ZNF618: variants seen among roughly 807,000 people sequenced by gnomAD.
The protein encoded by ZNF618 is neural precursor cell expressed, developmentally down-regulated 10.
In ZNF618, 34 loss-of-function variants were observed where a neutral mutation model predicts 103.0. The observed-to-expected ratio is 0.33, with a 90% CI of 0.25 to 0.44. The LOEUF (loss-of-function observed/expected upper bound fraction) is 0.44. ZNF618 is among the 20% of genes least tolerant of loss of function. ZNF618 has a pLI of 1.00. For synonymous variants in ZNF618, 551 were observed against 542.2 expected (o/e 1.02, Z -0.23); for missense variants, 1,059 against 1,295.4 (o/e 0.82, Z 2.80).
intron 1 of ZNF618, among the ~76,000 whole-genome samples, chr9:113,936,217 C>T (rs1258751764): frequency 6.6e-6 from 1 of 152,148 alleles, no homozygotes. Flanking sequence ...GACCTGGGTC[C>T]AAAACCCAGT....
At chr9:113,958,822 A>AC (rs541703862) in intron 1 of ZNF618, among the ~76,000 whole-genome samples, 47 of 150,584 alleles carry the variant, frequency 3.1e-4, no homozygotes, top group Non-Finnish European at 6.4e-4. Flanking sequence ...TTTGACATCT[A>AC]CCCCCAACTG....
intron 2 of ZNF618, among the ~76,000 whole-genome samples, chr9:113,971,607 C>T (rs571691177): frequency 1.3e-5 from 2 of 152,324 alleles, no homozygotes; most frequent in South Asian, 2.1e-4. Flanking sequence ...TGTGGGAATG[C>T]GGTCTGCCCT....
chr9:113,967,517 G>A (rs1031333814), intron 1 of ZNF618, among the ~76,000 whole-genome samples: 1 of 152,100 alleles, frequency 6.6e-6, no homozygotes, highest in African/African-American at 2.4e-5. Flanking sequence ...TTTCCCAATT[G>A]GCTCTCCTGA....
chr9:113,982,592 C>A (rs1431047172), intron 2 of ZNF618, among the ~76,000 whole-genome samples: 1 of 152,160 alleles, frequency 6.6e-6, no homozygotes, highest in Non-Finnish European at 1.5e-5. Context: ...TGCACAGAAT[C>A]AGGAGATTAG....
At chr9:114,041,441 C>G (rs1284710035) in intron 13 of ZNF618, among the ~76,000 whole-genome samples, 1 of 152,206 alleles carries the variant, frequency 6.6e-6, no homozygotes, top group African/African-American at 2.4e-5. Context: ...AGGTTTCCTT[C>G]TAGGGTTTTT....
chr9:113,981,143 C>T (rs540397063), intron 2 of ZNF618, among the ~76,000 whole-genome samples: 2 of 152,282 alleles, frequency 1.3e-5, no homozygotes, highest in African/African-American at 4.8e-5. Context: ...GAGCAGTTCA[C>T]CTTCATTCCT....
At chr9:114,040,959 T>C (rs1326005539) in intron 13 of ZNF618, among the ~76,000 whole-genome samples, 3 of 152,134 alleles carry the variant, frequency 2.0e-5, no homozygotes, top group Non-Finnish European at 4.4e-5. Context: ...AGTGTAAAAG[T>C]GTTCCTATTT....
At chr9:113,917,223 C>G (rs1832195520) in intron 1 of ZNF618, among the ~76,000 whole-genome samples, 2 of 149,720 alleles carry the variant, frequency 1.3e-5, no homozygotes, top group Non-Finnish European at 3.0e-5. Flanking sequence ...CCTAGCAAGC[C>G]TTCTCTCTAT....
chr9:114,016,206 G>A (rs751280669), intron 9 of ZNF618: 3 of 1,596,592 alleles, frequency 1.9e-6, no homozygotes, highest in Non-Finnish European at 2.6e-6. Context: ...TTGAGAGGAA[G>A]AAGTGACCCC....
intron 1 of ZNF618, among the ~76,000 whole-genome samples, chr9:113,906,766 G>A (rs938007371): frequency 3.3e-5 from 5 of 152,208 alleles, no homozygotes; most frequent in Non-Finnish European, 7.3e-5. Flanking sequence ...GGACGCCTTA[G>A]GTTTTAAGTG....
chr9:113,975,812 A>G (rs772682102), intron 2 of ZNF618, among the ~76,000 whole-genome samples: 2 of 152,166 alleles, frequency 1.3e-5, no homozygotes, highest in Non-Finnish European at 2.9e-5. Context: ...AGAACGGGGT[A>G]TGTTTTGGGA....
chr9:113,957,952 C>T (rs570571611), intron 1 of ZNF618, among the ~76,000 whole-genome samples: 3 of 151,930 alleles, frequency 2.0e-5, no homozygotes, highest in Non-Finnish European at 4.4e-5. Context: ...TCGCTCCAGG[C>T]GGTTTTCCCT....
At chr9:113,993,501 T>C (rs895239265) in intron 3 of ZNF618, among the ~76,000 whole-genome samples, 3 of 152,224 alleles carry the variant, frequency 2.0e-5, no homozygotes, top group African/African-American at 4.8e-5. Context: ...TTCCTGGCTC[T>C]GAGAGATAAG....
intron 1 of ZNF618, among the ~76,000 whole-genome samples, chr9:113,909,182 A>C (rs1211657776): frequency 6.6e-6 from 1 of 151,802 alleles, no homozygotes; most frequent in African/African-American, 2.4e-5. Context: ...GGTTGGAGGG[A>C]ATGGTCCTGT....
chr9:113,980,833 G>A (rs1487304909), intron 2 of ZNF618, among the ~76,000 whole-genome samples: 5 of 152,282 alleles, frequency 3.3e-5, no homozygotes, highest in Admixed American at 1.3e-4. Flanking sequence ...AGAGTCCGAC[G>A]GGGACTGAGA....
chr9:113,962,605 G>A (rs1168197782), intron 1 of ZNF618, among the ~76,000 whole-genome samples: 1 of 152,128 alleles, frequency 6.6e-6, no homozygotes, highest in African/African-American at 2.4e-5. Flanking sequence ...TGTTTGCCAA[G>A]CACACCAGGC....
In ZNF618 at chr9:114,032,628, T is replaced by C. The variant is rs1307585704; in HGVS notation, c.1085-17T>C. The C allele has an allele frequency of 1.2e-6, 2 of 1,613,342 alleles. No individual in the cohort carries two copies. Among genetic ancestry groups the C allele is most frequent in the East Asian group, 2.2e-5 (1 of 44,866 alleles). On this transcript the variant is annotated splice_polypyrimidine_tract_variant and intron_variant, in intron 11 of 14. Transcript: ENST00000374126. ...CAATCACCATTGTTTTCTTTCTCTC[T>C]CCTGTCCCCCACCCAGCAGAAAGCG... is the stretch of plus-strand genomic sequence containing the variant.
At chr9:114,046,440 G>T (rs560391672) in intron 13 of ZNF618, among the ~76,000 whole-genome samples, 2 of 152,290 alleles carry the variant, frequency 1.3e-5, no homozygotes, top group African/African-American at 4.8e-5. Flanking sequence ...AGGCTATACC[G>T]TATAGCCTAG....
chr9:113,959,985 G>T (rs1431368000), intron 1 of ZNF618, among the ~76,000 whole-genome samples: 1 of 152,202 alleles, frequency 6.6e-6, no homozygotes, highest in Non-Finnish European at 1.5e-5. Flanking sequence ...TCTCCCAGGG[G>T]CCCAGGTCTG....
Sources: gnomAD v4.1 joint callset for allele counts (sites outside exome capture counted in the v4.1 genomes callset) on GRCh38, gnomAD v4.1.1 for gene constraint, MANE v1.5 for transcripts, NCBI Gene and HGNC (gene_info 2026-07-23, HGNC 2026-07-21) for gene names.